GLIS3: variants seen among roughly 807,000 people sequenced by gnomAD.
GLIS3 encodes GLIS family zinc finger 3.
In GLIS3, 53 loss-of-function variants were observed where a neutral mutation model predicts 78.6. The ratio of observed to expected loss-of-function variants is 0.67; its 90% confidence interval spans 0.54 to 0.85. The LOEUF (loss-of-function observed/expected upper bound fraction) is 0.85. Ranked by LOEUF, GLIS3 falls within the 40% of genes least tolerant of loss-of-function variation. The pLI, the probability that GLIS3 is intolerant of heterozygous loss-of-function variation, is 0.00. For synonymous variants in GLIS3, 684 were observed against 509.9 expected, an observed-to-expected ratio of 1.34 and a Z score of -4.60; for missense variants, 1,703 against 1,231.1, an observed-to-expected ratio of 1.38 and a Z score of -5.74.
chr9:4,306,370 G>A (rs1053410047), intron 4 of GLIS3, among the ~76,000 whole-genome samples: 2 of 152,166 alleles, frequency 1.3e-5, no homozygotes, highest in Non-Finnish European at 2.9e-5. Context: ...TTATGCAAGA[G>A]AAATTCCATT....
intron 2 of GLIS3, among the ~76,000 whole-genome samples, chr9:4,176,013 G>C (rs1212018754): frequency 1.3e-5 from 2 of 152,084 alleles, no homozygotes; most frequent in Non-Finnish European, 2.9e-5. Context: ...TCCTGATTGA[G>C]CTCCAACCCT....
At chr9:4,410,603 G>C in the GLIS3 span, among the ~76,000 whole-genome samples, 3 of 152,170 alleles carry the variant, frequency 2.0e-5, no homozygotes, top group African/African-American at 7.2e-5. Flanking sequence ...CCAGCACAAA[G>C]TTATTTTAAC....
intron 2 of GLIS3, among the ~76,000 whole-genome samples, chr9:4,197,115 C>G (rs1186536294): frequency 1.3e-5 from 2 of 152,164 alleles, no homozygotes; most frequent in African/African-American, 4.8e-5. Context: ...AACATCTTAC[C>G]CTTCCTGTGC....
intron 2 of GLIS3, among the ~76,000 whole-genome samples, chr9:4,250,761 T>G (rs1824294678): frequency 6.6e-6 from 1 of 152,236 alleles, no homozygotes; most frequent in South Asian, 2.1e-4. Context: ...TGCTATAAAT[T>G]TCCCTCTAAA....
At chr9:4,268,900 T>C (rs1000842249) in intron 2 of GLIS3, among the ~76,000 whole-genome samples, 3 of 152,132 alleles carry the variant, frequency 2.0e-5, no homozygotes, top group Non-Finnish European at 2.9e-5. Flanking sequence ...AGTAGCTGTT[T>C]GCTGCAGCTA....
At chr9:4,464,090 G>C in the GLIS3 span, among the ~76,000 whole-genome samples, 5 of 152,104 alleles carry the variant, frequency 3.3e-5, no homozygotes, top group Non-Finnish European at 2.9e-5. Flanking sequence ...GAACAAAGTA[G>C]AATCACACAG....
intron 2 of GLIS3, among the ~76,000 whole-genome samples, chr9:4,207,033 C>G (rs905659584): frequency 1.2e-4 from 19 of 152,170 alleles, no homozygotes; most frequent in Non-Finnish European, 2.4e-4. Context: ...ACAACTTGCC[C>G]TTTTAAAATA....
At chr9:3,891,470 G>C (rs993048406) in intron 7 of GLIS3, among the ~76,000 whole-genome samples, 2 of 152,188 alleles carry the variant, frequency 1.3e-5, no homozygotes, top group African/African-American at 4.8e-5. Flanking sequence ...GGGAGACCAA[G>C]GCAGGAGGAT....
intron 2 of GLIS3, among the ~76,000 whole-genome samples, chr9:4,345,661 ATCT>A (rs1817888431): frequency 6.6e-6 from 1 of 152,240 alleles, no homozygotes; most frequent in Non-Finnish European, 1.5e-5. Context: ...ACAGAAATTT[ATCT>A]TCTTTTCCCT....
chr9:4,477,436 TA>T, the GLIS3 span, among the ~76,000 whole-genome samples: 8 of 151,772 alleles, frequency 5.3e-5, no homozygotes, highest in South Asian at 1.5e-3. Flanking sequence ...TTTTTTGAGA[TA>T]GGGGTCTCTC....
chr9:4,346,523 A>G (rs1431593654), intron 2 of GLIS3, among the ~76,000 whole-genome samples: 1 of 152,206 alleles, frequency 6.6e-6, no homozygotes, highest in Non-Finnish European at 1.5e-5. Context: ...AAGTGTGGCC[A>G]TTACTTTACA....
At chr9:4,294,171 G>A (rs952658065) in intron 1 of GLIS3, among the ~76,000 whole-genome samples, 1 of 152,094 alleles carries the variant, frequency 6.6e-6, no homozygotes, top group African/African-American at 2.4e-5. Flanking sequence ...AATCTGACCT[G>A]TAAAAATGGG....
At chr9:4,318,017 T>C (rs1284847326) in intron 2 of GLIS3, among the ~76,000 whole-genome samples, 1 of 152,214 alleles carries the variant, frequency 6.6e-6, no homozygotes, top group Non-Finnish European at 1.5e-5. Context: ...ATGTGTATAA[T>C]GTCAGAAAAG....
chr9:4,421,603 G>A, the GLIS3 span, among the ~76,000 whole-genome samples: 1 of 152,206 alleles, frequency 6.6e-6, no homozygotes, highest in Non-Finnish European at 1.5e-5. Context: ...CCAAGATACA[G>A]TTGTCACTGG....
chr9:3,840,302 G>T (rs550188736), intron 9 of GLIS3, among the ~76,000 whole-genome samples: 7 of 152,256 alleles, frequency 4.6e-5, no homozygotes, highest in African/African-American at 1.4e-4. Context: ...TCTTAAAAGT[G>T]AAATTGCCAC....
intron 2 of GLIS3, among the ~76,000 whole-genome samples, chr9:4,215,620 G>A (rs1459760855): frequency 1.3e-5 from 2 of 152,164 alleles, no homozygotes; most frequent in South Asian, 4.1e-4. Context: ...CTATTCCACA[G>A]AATCATCTTT....
At chr9:4,355,412 T>C in the GLIS3 span, among the ~76,000 whole-genome samples, 2 of 152,298 alleles carry the variant, frequency 1.3e-5, no homozygotes, top group East Asian at 1.9e-4. Context: ...CAATAAACTA[T>C]AGGTATCACT....
the GLIS3 span, among the ~76,000 whole-genome samples, chr9:4,376,268 A>C: frequency 6.6e-6 from 1 of 152,188 alleles, no homozygotes; most frequent in Non-Finnish European, 1.5e-5. Context: ...AAACTTACGA[A>C]AGAAAAACTA....
intron 4 of GLIS3, among the ~76,000 whole-genome samples, chr9:3,982,915 A>C (rs1459475755): frequency 1.3e-5 from 2 of 152,210 alleles, no homozygotes; most frequent in Non-Finnish European, 2.9e-5. Flanking sequence ...TGAAGCCATA[A>C]TTCCTAGAAT....
Sources: gnomAD v4.1 joint callset for allele counts (sites outside exome capture counted in the v4.1 genomes callset) on GRCh38, gnomAD v4.1.1 for gene constraint, MANE v1.5 for transcripts, NCBI Gene and HGNC (gene_info 2026-07-23, HGNC 2026-07-21) for gene names.